Variants in DNAAF5 observed in about 807,000 individuals in gnomAD.
DNAAF5 encodes the protein HEAT repeat containing 2.
DNAAF5 carries 64 observed loss-of-function variants against 75.8 expected under a neutral mutation model. The ratio of observed to expected loss-of-function variants is 0.84; its 90% CI spans 0.69 to 1.04. The LOEUF (loss-of-function observed/expected upper bound fraction) is 1.04, where lower values mean the gene tolerates loss of function less well. Among genes scored for constraint, DNAAF5 ranks in the 50% least tolerant of loss-of-function variants. The probability of loss-of-function intolerance (pLI) is 0.00; values close to 1 mark genes in which losing one functional copy is unlikely to be tolerated. For missense variants in DNAAF5, 1,269 were observed against 1,178.5 expected, an observed-to-expected ratio of 1.08 and a Z score of -1.12; for synonymous variants, 657 against 557.2, an observed-to-expected ratio of 1.18 and a Z score of -2.52.
At chr7:780,357 CTG>C (rs1404983853) in intron 12 of DNAAF5, among the ~76,000 whole-genome samples, 1 of 152,216 alleles carries the variant, frequency 6.6e-6, no homozygotes, top group Non-Finnish European at 1.5e-5. Context: ...GAAATCAAAA[CTG>C]AGAGTATTCT....
chr7:783,233 C>G (rs1382105579), intron 12 of DNAAF5, among the ~76,000 whole-genome samples: 1 of 152,266 alleles, frequency 6.6e-6, no homozygotes, highest in African/African-American at 2.4e-5. Flanking sequence ...AAAAGCAGCT[C>G]TGCTGCACGA....
chr7:770,694 C>T (rs1778530239), intron 9 of DNAAF5, 76 bp downstream of exon 9: 2 of 1,420,764 alleles, frequency 1.4e-6, no homozygotes, highest in Non-Finnish European at 9.7e-7. Flanking sequence ...TCCCCAACAG[C>T]TCACTGAGCA....
At position 744,549 on chromosome 7, in the gene DNAAF5, A is replaced by AAAAAC. The variant is rs1413800549; in HGVS notation, c.1024+3088_1024+3089insCAAAA. 4.5e-3 allele frequency among the ~76,000 whole-genome samples: 683 copies of AAAAAC among 152,370 alleles called. 36 individuals are homozygous for AAAAAC. In the East Asian group the frequency reaches 0.12, roughly 27 times the overall value. On this transcript the variant is annotated intron_variant, in intron 4 of 12. Transcript: ENST00000297440. ...ATTTATGCAGCCAAAAAACACATGAAAAAATGCTCATGATCACTGGCCATC... is the reference window on the plus strand; with the variant it reads ...ATTTATGCAGCCAAAAAACACATGAAAAAACAAAATGCTCATGATCACTGGCCATC...
intron 8 of DNAAF5, among the ~76,000 whole-genome samples, chr7:765,623 C>G (rs1782796178): frequency 2.0e-5 from 3 of 152,222 alleles, no homozygotes; most frequent in Non-Finnish European, 2.9e-5. Flanking sequence ...GGGCCCACAT[C>G]TCCTGTCATT....
At chr7:750,234 T>C (rs1782249197) in intron 4 of DNAAF5, among the ~76,000 whole-genome samples, 1 of 152,198 alleles carries the variant, frequency 6.6e-6, no homozygotes, top group Non-Finnish European at 1.5e-5. Context: ...CCTAGGAGCC[T>C]CACAGGCTAT....
intron 2 of DNAAF5, among the ~76,000 whole-genome samples, chr7:735,915 A>G (rs903473323): frequency 2.6e-5 from 4 of 152,142 alleles, no homozygotes; most frequent in Non-Finnish European, 5.9e-5. Context: ...GCTAATTGCT[A>G]TACACTTGCC....
At chr7:744,895 G>A (rs568029813) in intron 4 of DNAAF5, among the ~76,000 whole-genome samples, 1 of 152,152 alleles carries the variant, frequency 6.6e-6, no homozygotes, top group Non-Finnish European at 1.5e-5. Context: ...GAGCCACCAC[G>A]CCTGGACCAC....
chr7:782,529 C>G (rs13224142), intron 12 of DNAAF5, among the ~76,000 whole-genome samples: 3 of 106,984 alleles, frequency 2.8e-5, no homozygotes, highest in African/African-American at 7.6e-5. Context: ...CAGAAACTCG[C>G]ATCTTCCTGG....
At chr7:740,687 A>G (rs1781876683) in intron 2 of DNAAF5, 132 bp from the exon 3 acceptor site, 1 of 1,268,352 alleles carries the variant, frequency 7.9e-7, no homozygotes. Flanking sequence ...AGGCGGTGGT[A>G]GGTGGCCCAG....
intron 2 of DNAAF5, among the ~76,000 whole-genome samples, chr7:735,200 AGCTGCTCACGGTGTC>A (rs1781700212): frequency 8.1e-6 from 1 of 123,648 alleles, no homozygotes; most frequent in Non-Finnish European, 1.7e-5. Context: ...CTCACGGTGT[AGCTGCTCACGGTGTC>A]ATTGCTTATA....
chr7:767,685 C>G (rs574761002), intron 8 of DNAAF5, among the ~76,000 whole-genome samples: 1 of 151,880 alleles, frequency 6.6e-6, no homozygotes, highest in East Asian at 1.9e-4. Context: ...GGAACTCGCA[C>G]TGGGAGGGGA....
intron 2 of DNAAF5, among the ~76,000 whole-genome samples, chr7:734,508 G>T (rs984193354): frequency 3.9e-5 from 6 of 152,204 alleles, no homozygotes; most frequent in Non-Finnish European, 2.9e-5. Context: ...CTTTGCGTCA[G>T]TGTTCATCAG....
intron 4 of DNAAF5, among the ~76,000 whole-genome samples, chr7:750,198 C>T (rs1182313964): frequency 6.6e-6 from 1 of 152,200 alleles, no homozygotes; most frequent in African/African-American, 2.4e-5. Flanking sequence ...GTGTTGAGTG[C>T]AGTCACCTGC....
At chr7:771,675 G>C (rs1778569485) in intron 9 of DNAAF5, 1 of 152,248 alleles carries the variant, frequency 6.6e-6, no homozygotes, top group Admixed American at 6.5e-5. Flanking sequence ...CAGCTGTCCA[G>C]CTTGCAGGCT....
At chr7:756,664 C>G (rs1782494420) in intron 5 of DNAAF5, 118 bp from the exon 6 acceptor site, 1 of 883,074 alleles carries the variant, frequency 1.1e-6, no homozygotes, top group South Asian at 1.5e-5. Flanking sequence ...CTCACTCTGC[C>G]TAACACGGGG....
At chr7:768,875 G>A (rs1474085856) in intron 8 of DNAAF5, 7 of 482,384 alleles carry the variant, frequency 1.5e-5, no homozygotes, top group African/African-American at 5.8e-5. Context: ...ATGTAGAGAG[G>A]GTGAAACAGT....
Position 761,844 on chromosome 7 carries a change from A to G in DNAAF5, c.1562A>G (p.Asp521Gly). 6.3e-7 allele frequency: 1 copy of G among 1,599,154 alleles called. No individual in the cohort carries two copies. Among genetic ancestry groups the G allele is most frequent in the South Asian group, 1.1e-5 (1 of 88,382 alleles). The change falls in exon 7 of 13, where the codon GAC becomes GGC. Residue 521 changes from aspartate to glycine, a missense_variant. Physicochemically the swap from Asp to Gly is moderately conservative, Grantham distance 94. Transcript: ENST00000297440. ...DCGVASLQLL[D>G]VLLTIVALAG... ...GGCGTGGCCAGCCTGCAGCTCTTGGACGTGCTGCTGACAATAGTGGCCCTC... is the reference window on the plus strand; with the variant it reads ...GGCGTGGCCAGCCTGCAGCTCTTGGGCGTGCTGCTGACAATAGTGGCCCTC...
In DNAAF5 at chr7:774,087, C is replaced by T. The variant is rs188829666; in HGVS notation, c.1971C>T (p.Ile657=). ...PSYLETVTKD[I]LAPNLQWHAG... is the part of the protein sequence containing the mutation. ...ACCTCGAGACGGTGACAAAGGACAT[C>T]CTGGCCCCCAATCTGCAGTGGCATG... The change falls in exon 10 of 13, where the codon ATC becomes ATT. Residue 657 remains isoleucine, a synonymous_variant. Transcript: ENST00000297440. 5 of 1,613,968 alleles carry T rather than the reference C, an allele frequency of 3.1e-6. No individual in the cohort carries two copies. The Admixed American group carries it at 5.0e-5, about 16-fold the overall frequency.
In DNAAF5 at chr7:726,750, G is replaced by A. The variant is rs878855037; in HGVS notation, c.30G>A (p.Val10=). Residue 10 remains valine, a synonymous_variant, in exon 1 of 13, where the codon GTG becomes GTA. Coordinates refer to ENST00000297440, the MANE Select transcript of DNAAF5 (RefSeq NM_017802.4). The stretch of plus-strand genomic sequence containing the variant: ...CGGCGCTGGGGGTGGCGGAGGCCGT[G>A]GCGGCCCCACACCCGGCTGAGGGGG... MAALGVAEA[V]AAPHPAEGAE... 8.3e-5 allele frequency: 104 copies of A among 1,246,482 alleles called. No individual in the cohort carries two copies. Among genetic ancestry groups the A allele is most frequent in the Non-Finnish European group, 1.0e-4 (103 of 996,696 alleles). The allele number at this position is 1,246,482 out of a possible 1,614,324, so 77.2% of individuals were successfully genotyped here. A position where few individuals can be genotyped will look rare whatever the true frequency, so the allele number is the denominator to read the frequency against.
Sources: allele counts gnomAD v4.1 joint callset (sites outside exome capture counted in the v4.1 genomes callset), GRCh38; gene constraint gnomAD v4.1.1; transcripts MANE v1.5; gene names NCBI Gene and HGNC (gene_info 2026-07-23, HGNC 2026-07-21).